The following LINGO2 variants were observed in gnomAD, a reference collection of about 807,000 sequenced individuals.
The protein encoded by LINGO2 is leucine rich repeat and Ig domain containing 2, also known as leucine-rich repeat and immunoglobulin-like domain-containing nogo receptor-interacting protein 2.
In LINGO2, 14 loss-of-function variants were observed where a neutral mutation model predicts 30.6. The observed-to-expected ratio is 0.46, with a 90% CI of 0.30 to 0.72. LINGO2 has a LOEUF of 0.72. LINGO2 is among the 30% of genes least tolerant of loss of function. The probability of loss-of-function intolerance (pLI) is 0.07; values close to 1 mark genes in which losing one functional copy is unlikely to be tolerated. For synonymous variants in LINGO2, 317 were observed against 288.5 expected, an observed-to-expected ratio of 1.10 and a Z score of -1.00; for missense variants, 729 against 751.7, an observed-to-expected ratio of 0.97 and a Z score of 0.35.
At position 28,419,299 on chromosome 9, in the gene LINGO2, G is replaced by A. The variant is rs533195995; in HGVS notation, c.-278-46431C>T. 2.6e-5 allele frequency among the ~76,000 whole-genome samples: 4 copies of A among 152,146 alleles called. No individual in the cohort carries two copies. In the East Asian group the frequency reaches 7.7e-4, roughly 29 times the overall value. ...CTTGAATTTTTGTTTTTTCTCAAATGTATATGCTGTGTAAACAAAGAAAAA... is the reference window on the plus strand; with the variant it reads ...CTTGAATTTTTGTTTTTTCTCAAATATATATGCTGTGTAAACAAAGAAAAA... On this transcript the variant is annotated intron_variant, in intron 2 of 5. Coordinates refer to ENST00000379992, the Ensembl canonical transcript of LINGO2.
the LINGO2 span, among the ~76,000 whole-genome samples, chr9:28,923,957 C>T: frequency 7.3e-6 from 1 of 136,962 alleles, no homozygotes; most frequent in Non-Finnish European, 1.5e-5. Context: ...GGCACTGTCA[C>T]AGACTCACAT....
intron 4 of LINGO2, among the ~76,000 whole-genome samples, chr9:28,200,360 C>T (rs1188324562): frequency 1.3e-5 from 2 of 152,044 alleles, no homozygotes; most frequent in Non-Finnish European, 2.9e-5. Context: ...AAAAAAGCCT[C>T]CAAATTTGGA....
chr9:28,043,849 A>C (rs368093417), intron 4 of LINGO2, among the ~76,000 whole-genome samples: 74 of 152,292 alleles, frequency 4.9e-4, no homozygotes, highest in South Asian at 8.3e-4. Flanking sequence ...AACAAACAAT[A>C]ATTCCCTATA....
the LINGO2 span, among the ~76,000 whole-genome samples, chr9:28,905,925 T>C: frequency 6.6e-6 from 1 of 152,004 alleles, no homozygotes; most frequent in Admixed American, 6.6e-5. Context: ...CATTAAAGGA[T>C]GAATAAGTAA....
the LINGO2 span, among the ~76,000 whole-genome samples, chr9:29,057,016 T>C: frequency 6.6e-6 from 1 of 152,158 alleles, no homozygotes; most frequent in Non-Finnish European, 1.5e-5. Flanking sequence ...TCGGGTAATG[T>C]GATGCCTCCA....
the LINGO2 span, among the ~76,000 whole-genome samples, chr9:28,690,152 T>C: frequency 1.3e-5 from 2 of 152,086 alleles, no homozygotes; most frequent in African/African-American, 4.8e-5. Flanking sequence ...GATGAGATGA[T>C]CTGCACAGCA....
the LINGO2 span, among the ~76,000 whole-genome samples, chr9:29,142,696 T>C: frequency 7.7e-3 from 1,170 of 151,964 alleles, 13 homozygotes; most frequent in African/African-American, 0.027. Flanking sequence ...TCATACTCAA[T>C]AGTAAGCAAC....
the LINGO2 span, among the ~76,000 whole-genome samples, chr9:29,138,739 T>A: frequency 6.6e-6 from 1 of 152,078 alleles, no homozygotes; most frequent in Non-Finnish European, 1.5e-5. Context: ...TCAGTGTGGA[T>A]AAATAATTCA....
intron 1 of LINGO2, among the ~76,000 whole-genome samples, chr9:28,605,398 A>G (rs1357461110): frequency 6.6e-6 from 1 of 151,914 alleles, no homozygotes; most frequent in Non-Finnish European, 1.5e-5. Context: ...CTGACAAGTT[A>G]GGGGAGAGAC....
At chr9:28,343,372 C>T (rs938095907) in intron 3 of LINGO2, among the ~76,000 whole-genome samples, 1 of 152,184 alleles carries the variant, frequency 6.6e-6, no homozygotes, top group African/African-American at 2.4e-5. Context: ...TCATGCTCAT[C>T]TCTTCCGTTT....
At chr9:28,586,152 G>T (rs533022575) in intron 1 of LINGO2, among the ~76,000 whole-genome samples, 1 of 151,832 alleles carries the variant, frequency 6.6e-6, no homozygotes, top group Non-Finnish European at 1.5e-5. Context: ...TTCAGCCACC[G>T]TGGAACATAC....
chr9:28,834,821 G>C, the LINGO2 span, among the ~76,000 whole-genome samples: 51,674 of 151,818 alleles, frequency 0.34, 9,309 homozygotes, highest in East Asian at 0.45. Context: ...GAAGAATTTT[G>C]TTCCAACATA....
At chr9:28,674,426 A>C (rs1011480851), upstream of LINGO2, among the ~76,000 whole-genome samples, 3 of 152,148 alleles carry the variant, frequency 2.0e-5, no homozygotes, top group African/African-American at 7.2e-5. Context: ...GAAAAATATC[A>C]ACCTACATTT....
chr9:28,663,082 C>A (rs983686643), intron 1 of LINGO2, among the ~76,000 whole-genome samples: 1 of 151,792 alleles, frequency 6.6e-6, no homozygotes, highest in Non-Finnish European at 1.5e-5. Flanking sequence ...ACTGTCAGAC[C>A]AAAAAAAGTC....
At chr9:28,043,137 CAGGT>C (rs1339141232) in intron 4 of LINGO2, among the ~76,000 whole-genome samples, 1 of 152,306 alleles carries the variant, frequency 6.6e-6, no homozygotes, top group South Asian at 2.1e-4. Flanking sequence ...ACCAACGAGA[CAGGT>C]AGAAGATGTC....
chr9:28,682,942 T>C, the LINGO2 span, among the ~76,000 whole-genome samples: 482 of 152,216 alleles, frequency 3.2e-3, 3 homozygotes, highest in African/African-American at 0.011. Flanking sequence ...CACAATGAGA[T>C]GTCTTTGAAT....
intron 1 of LINGO2, among the ~76,000 whole-genome samples, chr9:28,596,685 A>T (rs536786621): frequency 6.6e-6 from 1 of 152,324 alleles, no homozygotes; most frequent in African/African-American, 2.4e-5. Context: ...TATTCTCAAC[A>T]ATGTATGATA....
At chr9:28,584,796 G>T (rs1236305941) in intron 1 of LINGO2, among the ~76,000 whole-genome samples, 1 of 152,026 alleles carries the variant, frequency 6.6e-6, no homozygotes, top group Non-Finnish European at 1.5e-5. Flanking sequence ...TCATGAGAAT[G>T]CTATTATTTT....
At chr9:28,125,012 G>C (rs1827198551) in intron 4 of LINGO2, among the ~76,000 whole-genome samples, 1 of 152,198 alleles carries the variant, frequency 6.6e-6, no homozygotes, top group Admixed American at 6.5e-5. Context: ...TTGGCAACCA[G>C]CAGTATCCTA....
Sources: gnomAD v4.1 joint callset for allele counts (sites outside exome capture counted in the v4.1 genomes callset) on GRCh38, gnomAD v4.1.1 for gene constraint, MANE v1.5 for transcripts, NCBI Gene and HGNC (gene_info 2026-07-23, HGNC 2026-07-21) for gene names.